The following CSMD1 variants were observed in gnomAD, a reference collection of about 807,000 sequenced individuals.
The protein encoded by CSMD1 is CUB and Sushi multiple domains 1, also known as CUB and sushi domain-containing protein 1.
Under a neutral mutation model 417.5 loss-of-function variants are expected in CSMD1, and 213 were observed. That is an observed-to-expected ratio of 0.51 (90% CI 0.46 to 0.57). CSMD1 has a LOEUF of 0.57. Ranked by LOEUF, CSMD1 falls within the 20% of genes least tolerant of loss-of-function variation. The pLI is 0.00. For missense variants in CSMD1, 6,923 were observed against 4,529.7 expected, an observed-to-expected ratio of 1.53 and a Z score of -15.17; for synonymous variants, 2,862 against 1,736.8, an observed-to-expected ratio of 1.65 and a Z score of -16.11.
chr8:4,763,373 G>T (rs1812242330), intron 1 of CSMD1, among the ~76,000 whole-genome samples: 1 of 152,098 alleles, frequency 6.6e-6, no homozygotes, highest in Admixed American at 6.5e-5. Context: ...AGTCCTTCCT[G>T]TTCTAGGTTT....
intron 2 of CSMD1, among the ~76,000 whole-genome samples, chr8:4,466,834 G>C (rs1326656712): frequency 6.6e-6 from 1 of 152,000 alleles, no homozygotes; most frequent in Non-Finnish European, 1.5e-5. Flanking sequence ...AATTCAGAGA[G>C]CAGGGGAAAC....
intron 5 of CSMD1, among the ~76,000 whole-genome samples, chr8:3,884,591 C>T (rs542788318): frequency 5.3e-5 from 8 of 152,208 alleles, no homozygotes; most frequent in Admixed American, 3.3e-4. Flanking sequence ...ATGGAAACAT[C>T]GGTGAGAAGT....
chr8:3,133,989 C>T (rs1163319949), intron 41 of CSMD1, among the ~76,000 whole-genome samples: 1 of 152,050 alleles, frequency 6.6e-6, no homozygotes, highest in Admixed American at 6.5e-5. Flanking sequence ...ACCAGCCTGG[C>T]CAATGTGGTG....
At chr8:4,323,334 T>C (rs906663335) in intron 3 of CSMD1, among the ~76,000 whole-genome samples, 1 of 152,144 alleles carries the variant, frequency 6.6e-6, no homozygotes, top group African/African-American at 2.4e-5. Flanking sequence ...ACCCCTAAAA[T>C]TCATGAAAAG....
chr8:4,716,913 A>G (rs1272268792), intron 1 of CSMD1, among the ~76,000 whole-genome samples: 1 of 152,176 alleles, frequency 6.6e-6, no homozygotes, highest in Non-Finnish European at 1.5e-5. Context: ...AATCATATCT[A>G]GACTTTAACA....
At chr8:4,912,991 G>A (rs544568530) in intron 1 of CSMD1, among the ~76,000 whole-genome samples, 1 of 152,244 alleles carries the variant, frequency 6.6e-6, no homozygotes, top group Admixed American at 6.5e-5. Context: ...GTTTTACCGT[G>A]TTGGCCAGGA....
chr8:3,578,269 T>G (rs1415625227), intron 9 of CSMD1, among the ~76,000 whole-genome samples: 1 of 152,018 alleles, frequency 6.6e-6, no homozygotes, highest in Non-Finnish European at 1.5e-5. Flanking sequence ...AAAGAAGAGA[T>G]GACCCAGGGC....
intron 2 of CSMD1, among the ~76,000 whole-genome samples, chr8:4,605,768 C>A (rs556704721): frequency 6.6e-6 from 1 of 152,188 alleles, no homozygotes; most frequent in African/African-American, 2.4e-5. Context: ...ATTTACGCTG[C>A]CATTGCAAGC....
chr8:4,872,237 ACTTC>A (rs1488959400), intron 1 of CSMD1, among the ~76,000 whole-genome samples: 1 of 152,016 alleles, frequency 6.6e-6, no homozygotes, highest in Non-Finnish European at 1.5e-5. Context: ...GACAATATTT[ACTTC>A]CTTTTTCTCT....
At chr8:4,777,942 T>A (rs931511031) in intron 1 of CSMD1, among the ~76,000 whole-genome samples, 1 of 152,150 alleles carries the variant, frequency 6.6e-6, no homozygotes, top group Non-Finnish European at 1.5e-5. Flanking sequence ...ACGGTTGTAG[T>A]AGGGATGTGT....
chr8:3,176,293 T>A (rs1820931936), intron 37 of CSMD1, among the ~76,000 whole-genome samples: 1 of 152,206 alleles, frequency 6.6e-6, no homozygotes. Context: ...TAATCTTTAA[T>A]GAGAATATAC....
intron 2 of CSMD1, among the ~76,000 whole-genome samples, chr8:4,595,179 T>C (rs139629093): frequency 6.6e-6 from 1 of 152,114 alleles, no homozygotes; most frequent in Non-Finnish European, 1.5e-5. Flanking sequence ...TACTAATTAA[T>C]TGCAGAAACA....
chr8:4,385,208 A>C (rs11783998), intron 3 of CSMD1, among the ~76,000 whole-genome samples: 1 of 152,078 alleles, frequency 6.6e-6, no homozygotes, highest in Non-Finnish European at 1.5e-5. Context: ...GATTACAGGC[A>C]TGAGCCACTG....
chr8:3,419,330 G>A (rs1048203149), intron 12 of CSMD1, among the ~76,000 whole-genome samples: 2 of 152,068 alleles, frequency 1.3e-5, no homozygotes, highest in East Asian at 1.9e-4. Context: ...CTCCACTGCC[G>A]TTTCCAAAAT....
intron 12 of CSMD1, among the ~76,000 whole-genome samples, chr8:3,428,685 C>T (rs747077458): frequency 3.9e-5 from 6 of 152,058 alleles, no homozygotes; most frequent in Non-Finnish European, 8.8e-5. Flanking sequence ...TCATATGATC[C>T]AGTCATCCTA....
chr8:3,082,425 G>C (rs1340167150), intron 49 of CSMD1, among the ~76,000 whole-genome samples: 1 of 152,136 alleles, frequency 6.6e-6, no homozygotes, highest in African/African-American at 2.4e-5. Flanking sequence ...TTCCAGCTCA[G>C]ACATCCCAAT....
chr8:3,675,283 T>C (rs1401475226), intron 7 of CSMD1, among the ~76,000 whole-genome samples: 3 of 152,198 alleles, frequency 2.0e-5, no homozygotes. Flanking sequence ...CCCCTGCTCC[T>C]GGAGGGTTGG....
intron 5 of CSMD1, among the ~76,000 whole-genome samples, chr8:3,927,715 T>G (rs760832500): frequency 4.6e-5 from 7 of 152,140 alleles, no homozygotes; most frequent in Non-Finnish European, 7.4e-5. Context: ...TTTCTTTACC[T>G]TTGTTAAGCA....
chr8:3,099,017 G>A (rs1196112240), intron 46 of CSMD1, among the ~76,000 whole-genome samples: 1 of 151,550 alleles, frequency 6.6e-6, no homozygotes, highest in Non-Finnish European at 1.5e-5. Flanking sequence ...TCTCGGTACT[G>A]CCGACACTCC....
Sources: gnomAD v4.1 joint callset for allele counts (sites outside exome capture counted in the v4.1 genomes callset) on GRCh38, gnomAD v4.1.1 for gene constraint, MANE v1.5 for transcripts, NCBI Gene and HGNC (gene_info 2026-07-23, HGNC 2026-07-21) for gene names.